The following LSP1 variants were observed in gnomAD, a reference collection of about 807,000 sequenced individuals.
LSP1 encodes lymphocyte-specific protein 1.
LSP1 carries 32 observed loss-of-function variants against 49.3 expected under a neutral mutation model. The observed-to-expected ratio is 0.65, with a 90% confidence interval of 0.49 to 0.87. LSP1 has a LOEUF of 0.87. Among genes scored for constraint, LSP1 ranks in the 40% least tolerant of loss-of-function variants. The probability of loss-of-function intolerance (pLI) is 0.00; values close to 1 mark genes in which losing one functional copy is unlikely to be tolerated. For missense variants in LSP1, 428 were observed against 442.6 expected (o/e 0.97, Z 0.30); for synonymous variants, 179 against 178.8 (o/e 1.00, Z -0.01).
Position 1,868,091 on chromosome 11 carries a change from G to T in LSP1, c.54-11996G>T, listed in dbSNP as rs950551613. On this transcript the variant is annotated intron_variant, in intron 1 of 10. Transcript: ENST00000311604. ...CTCGGGGCTCTCCCAGGGCCAGCTC[G>T]GGCAAGGCAAGTGTTAGGGATGGTC... 2.0e-5 allele frequency among the ~76,000 whole-genome samples: 3 copies of T among 152,202 alleles called. No individual in the cohort carries two copies. The South Asian group carries it at 6.2e-4, about 32-fold the overall frequency.
intron 1 of LSP1, among the ~76,000 whole-genome samples, chr11:1,867,280 C>T (rs887461991): frequency 4.6e-5 from 7 of 152,118 alleles, no homozygotes; most frequent in African/African-American, 1.2e-4. Context: ...AAGGCTGACA[C>T]GTGTGCACTA....
intron 1 of LSP1, among the ~76,000 whole-genome samples, chr11:1,878,875 C>T (rs776452631): frequency 7.2e-5 from 11 of 152,094 alleles, no homozygotes; most frequent in Non-Finnish European, 1.0e-4. Flanking sequence ...GCTGAGGCTG[C>T]GGTGTCTGCA....
At chr11:1,875,368 G>T (rs1198683140) in intron 1 of LSP1, among the ~76,000 whole-genome samples, 1 of 152,200 alleles carries the variant, frequency 6.6e-6, no homozygotes, top group Non-Finnish European at 1.5e-5. Context: ...GGAGGCGGGG[G>T]ACCCAGCGCG....
rs1442712066 is a variant in LSP1 at position 1,874,097 on chromosome 11, AGGCCGG to A, written c.54-5989_54-5984del. Among the ~76,000 whole-genome samples the A allele has an allele frequency of 2.9e-4, 18 of 61,276 alleles. 1 individual carries two copies. Among genetic ancestry groups the A allele is most frequent in the East Asian group, 5.2e-4 (1 of 1,916 alleles). 40.2% of individuals were successfully genotyped at this position (61,276 alleles called of 152,430 possible). Reference sequence around the variant, plus strand: ...GAGGAGGGAGGCCGGCAGAGCAGGGAGGCCGGCAGAGGAGGGAGGCTGGGGACAGTG... The same window carrying A: ...GAGGAGGGAGGCCGGCAGAGCAGGGACAGAGGAGGGAGGCTGGGGACAGTG... On this transcript the variant is annotated intron_variant, in intron 1 of 10. Coordinates refer to ENST00000311604, the MANE Select transcript of LSP1 (RefSeq NM_002339.3).
chr11:1,871,355 G>A (rs4980389), intron 1 of LSP1: 370,576 of 985,932 alleles, frequency 0.38, 71,613 homozygotes, highest in East Asian at 0.72. Context: ...TGAAACAGCT[G>A]CAGAGCGGGA....
In LSP1 at chr11:1,877,205, C is replaced by G. The variant is rs1195503373; in HGVS notation, c.54-2882C>G. On this transcript the variant is annotated intron_variant, in intron 1 of 10. Coordinates refer to ENST00000311604, the MANE Select transcript of LSP1 (RefSeq NM_002339.3). The stretch of plus-strand genomic sequence containing the variant: ...ACCCCACCCCAGGAGAGCTGCCCCC[C>G]TTTCAGTTCCCAGAACGGAGCCCAG... Among the ~76,000 whole-genome samples the G allele has an allele frequency of 2.0e-5, 3 of 152,280 alleles. No individual in the cohort carries two copies. The East Asian group carries it at 5.8e-4, about 29-fold the overall frequency.
chr11:1,853,192 G>C lies in LSP1; in HGVS notation c.48G>C (p.Leu16Phe). 6.2e-7 allele frequency: 1 copy of C among 1,610,628 alleles called. No homozygotes were observed. Among genetic ancestry groups the C allele is most frequent in the Non-Finnish European group, 8.5e-7 (1 of 1,179,328 alleles). ...CGGGTGCCGAGGAGCGGGAAGAGTT[G>C]CTGGGGTAAGGGTCTGCGGCGACGC... ...SDPGAEEREELLGPTAQWSVE... is the reference protein window; with the variant it reads ...SDPGAEEREEFLGPTAQWSVE... The change falls in exon 1 of 11, where the codon TTG (leucine) becomes TTC (phenylalanine). Residue 16 changes from leucine (L) to phenylalanine (F), a missense_variant. Physicochemically the swap from Leu to Phe is conservative, Grantham distance 22. Coordinates refer to ENST00000311604, the MANE Select transcript of LSP1 (RefSeq NM_002339.3).
intron 1 of LSP1, among the ~76,000 whole-genome samples, chr11:1,872,210 G>C (rs191448862): frequency 7.3e-6 from 1 of 136,788 alleles, no homozygotes; most frequent in Non-Finnish European, 1.6e-5. Context: ...TTGGGACGGG[G>C]TGTGTGTGGT....
intron 1 of LSP1, among the ~76,000 whole-genome samples, chr11:1,872,529 G>GTC (rs1848082887): frequency 7.2e-6 from 1 of 139,326 alleles, no homozygotes; most frequent in Non-Finnish European, 1.6e-5. Flanking sequence ...AGTCACCCTG[G>GTC]TGCACGCTGG....
chr11:1,870,520 A>G, intron 1 of LSP1: 1 of 1,187,662 alleles, frequency 8.4e-7, no homozygotes, highest in Non-Finnish European at 1.1e-6. Context: ...ACAGGCAGAC[A>G]TGGTGTGGGG....
At chr11:1,853,740 G>A (rs1332380438) in intron 1 of LSP1, among the ~76,000 whole-genome samples, 1 of 152,232 alleles carries the variant, frequency 6.6e-6, no homozygotes, top group Non-Finnish European at 1.5e-5. Context: ...CTGCGGTAAA[G>A]GACAAGGCCA....
intron 1 of LSP1, among the ~76,000 whole-genome samples, chr11:1,861,765 G>T (rs1258450591): frequency 3.3e-5 from 5 of 151,174 alleles, no homozygotes; most frequent in African/African-American, 1.2e-4. Flanking sequence ...ATGAGTGGAT[G>T]GGTGGATGGA....
At chr11:1,866,822 T>C (rs1270566785) in intron 1 of LSP1, 1 of 1,549,838 alleles carries the variant, frequency 6.5e-7, no homozygotes, top group South Asian at 1.2e-5. Flanking sequence ...GCAGAGCCCC[T>C]GCCTGGCTGT....
intron 1 of LSP1, among the ~76,000 whole-genome samples, chr11:1,861,743 G>GA (rs1847639114): frequency 1.8e-5 from 2 of 111,516 alleles, no homozygotes; most frequent in African/African-American, 3.6e-5. Context: ...GGATGGATTG[G>GA]TGGATGAGTG....
At chr11:1,860,917 C>T (rs961386586) in intron 1 of LSP1, among the ~76,000 whole-genome samples, 4 of 151,790 alleles carry the variant, frequency 2.6e-5, no homozygotes, top group Non-Finnish European at 5.9e-5. Context: ...AGAAGGATGT[C>T]AGGAGAAGTA....
At chr11:1,882,296 C>T (rs1848578200) in intron 3 of LSP1, among the ~76,000 whole-genome samples, 1 of 152,172 alleles carries the variant, frequency 6.6e-6, no homozygotes, top group African/African-American at 2.4e-5. Flanking sequence ...GCTCAGGACC[C>T]CCTTGCCTTG....
intron 1 of LSP1, among the ~76,000 whole-genome samples, chr11:1,862,991 C>T (rs1847682788): frequency 6.6e-6 from 1 of 152,154 alleles, no homozygotes; most frequent in Non-Finnish European, 1.5e-5. Context: ...AGTGGACATT[C>T]CCTGCTTCCT....
intron 1 of LSP1, among the ~76,000 whole-genome samples, chr11:1,853,836 T>C: frequency 6.6e-6 from 1 of 151,970 alleles, no homozygotes; most frequent in East Asian, 1.9e-4. Flanking sequence ...AGAGGTTGTG[T>C]GTAGGACTGC....
At chr11:1,878,135 G>A (rs2133105287) in intron 1 of LSP1, among the ~76,000 whole-genome samples, 1 of 152,284 alleles carries the variant, frequency 6.6e-6, no homozygotes, top group Admixed American at 6.5e-5. Context: ...CTAAGCCCTT[G>A]CTCACATGGA....
Sources: gnomAD v4.1 joint callset for allele counts (sites outside exome capture counted in the v4.1 genomes callset) on GRCh38, gnomAD v4.1.1 for gene constraint, MANE v1.5 for transcripts, NCBI Gene and HGNC (gene_info 2026-07-23, HGNC 2026-07-21) for gene names.